Variants in PDE12 observed in about 807,000 individuals in gnomAD.
PDE12 encodes the protein 2',5'-phosphodiesterase 12.
PDE12 carries 26 observed loss-of-function variants against 45.4 expected under a neutral mutation model. The ratio of observed to expected loss-of-function variants is 0.57; its 90% confidence interval spans 0.42 to 0.79. The LOEUF (loss-of-function observed/expected upper bound fraction) is 0.79, where lower values mean the gene tolerates loss of function less well. Among genes scored for constraint, PDE12 ranks in the 30% least tolerant of loss-of-function variants. The pLI is 0.00. For missense variants in PDE12, 668 were observed against 790.0 expected (o/e 0.85, Z 1.85); for synonymous variants, 283 against 323.9 (o/e 0.87, Z 1.36).
the PDE12 span, chr3:57,577,484 G>C: frequency 1.1e-6 from 1 of 875,184 alleles, no homozygotes; most frequent in Non-Finnish European, 1.8e-6. Flanking sequence ...TTAGACATTA[G>C]GAAGAAAATG....
the PDE12 span, chr3:57,597,132 G>A: frequency 3.7e-6 from 6 of 1,613,984 alleles, no homozygotes; most frequent in Non-Finnish European, 5.1e-6. Context: ...AGGAGATAGT[G>A]AGGCCCATGG....
chr3:57,564,109 A>G lies in PDE12; in HGVS notation c.*4105A>G, dbSNP rs1187142967. 1 of 152,154 alleles carries G rather than the reference A, an allele frequency of 6.6e-6. No individual in the cohort carries two copies. The allele number at this position is 152,154 out of a possible 1,614,324, so 9.4% of individuals were successfully genotyped here. Reference sequence around the variant, plus strand: ...TACTGCTTGTAATTTTTGTATTTTTAGTAGAGACAGGGTTTCACCATATTG... The same window carrying G: ...TACTGCTTGTAATTTTTGTATTTTTGGTAGAGACAGGGTTTCACCATATTG... On this transcript the variant is annotated 3_prime_UTR_variant, in exon 3 of 3. Coordinates refer to ENST00000311180, the MANE Select transcript of PDE12 (RefSeq NM_177966.7).
At chr3:57,604,126 A>T in the PDE12 span, among the ~76,000 whole-genome samples, 1 of 149,794 alleles carries the variant, frequency 6.7e-6, no homozygotes, top group Admixed American at 6.7e-5. Flanking sequence ...GTTTCACCTT[A>T]TTGGCCAGGC....
At chr3:57,595,701 C>T in the PDE12 span, among the ~76,000 whole-genome samples, 1 of 152,272 alleles carries the variant, frequency 6.6e-6, no homozygotes, top group African/African-American at 2.4e-5. Context: ...GTAATCCCAG[C>T]ACTCTGGGAA....
the PDE12 span, chr3:57,645,803 G>T: frequency 3.6e-6 from 5 of 1,400,942 alleles, no homozygotes; most frequent in Non-Finnish European, 5.0e-6. Context: ...AGAAATTAAA[G>T]GTCCTAATCT....
chr3:57,564,458 A>G lies in PDE12; in HGVS notation c.*4454A>G, dbSNP rs2069759201. ...AATGAATGTATGTCAAAGCATTTATATAACACAGTCCATTTTGCCCAGTAA... is the reference window on the plus strand; with the variant it reads ...AATGAATGTATGTCAAAGCATTTATGTAACACAGTCCATTTTGCCCAGTAA... On this transcript the variant is annotated 3_prime_UTR_variant, in exon 3 of 3. Transcript: ENST00000311180. 1.3e-5 allele frequency: 2 copies of G among 152,198 alleles called. No individual in the cohort carries two copies. The highest frequency in any genetic ancestry group is 4.8e-5 in the African/African-American group (2 of 41,440). The allele number at this position is 152,198 out of a possible 1,614,324, so 9.4% of individuals were successfully genotyped here. A position where few individuals can be genotyped will look rare whatever the true frequency, so the allele number is the denominator to read the frequency against.
chr3:57,556,388 G>T lies in PDE12; in HGVS notation c.9G>T (p.Arg3Ser). Residue 3 changes from arginine to serine, a missense_variant, in exon 1 of 3, where the codon AGG (arginine) becomes AGT (serine). Around this residue, in one of 3 missense-constraint regions of PDE12, gnomAD observed 580 missense variants for 662.9 expected, o/e 0.87. Coordinates refer to ENST00000311180, the MANE Select transcript of PDE12 (RefSeq NM_177966.7). This position sits in a 1 kb window ranked among gnomAD's most constrained non-coding sequence, Gnocchi z 5.0. ...GCTAGGCCACCAGGTTCATGTGGAGGCTCCCAGGCGCCCGCGCCGCGCTTC... is the reference window on the plus strand; with the variant it reads ...GCTAGGCCACCAGGTTCATGTGGAGTCTCCCAGGCGCCCGCGCCGCGCTTC... Reference protein sequence around the residue: MWRLPGARAALRV... With the variant: MWSLPGARAALRV... The T allele has an allele frequency of 1.9e-6, 3 of 1,575,264 alleles. No individual in the cohort carries two copies. The highest frequency in any genetic ancestry group is 1.7e-6 in the Non-Finnish European group (2 of 1,161,202).
the PDE12 span, chr3:57,634,520 C>T: frequency 4.3e-6 from 5 of 1,168,364 alleles, no homozygotes; most frequent in Non-Finnish European, 5.8e-6. Flanking sequence ...CATACCTGAA[C>T]AAGGAAATTT....
At chr3:57,602,402 C>T in the PDE12 span, among the ~76,000 whole-genome samples, 1 of 152,182 alleles carries the variant, frequency 6.6e-6, no homozygotes, top group African/African-American at 2.4e-5. Flanking sequence ...ACAAGAATAT[C>T]TGTGCTTCTA....
chr3:57,597,858 G>A, the PDE12 span: 4 of 152,242 alleles, frequency 2.6e-5, no homozygotes, highest in Non-Finnish European at 5.9e-5. Context: ...TTTAGTTGAC[G>A]CATGAAGACC....
Position 57,561,486 on chromosome 3 carries a change from CA to C in PDE12, c.*1485del. ...CCAAACTTTTTAAAATTAGAAACTA[CA>C]AATGGTTATACTGATTAGTGTCTAG... On this transcript the variant is annotated 3_prime_UTR_variant, in exon 3 of 3. Coordinates refer to ENST00000311180, the MANE Select transcript of PDE12 (RefSeq NM_177966.7). 1.4e-5 allele frequency: 14 copies of C among 984,346 alleles called. No homozygotes were observed. Among genetic ancestry groups the C allele is most frequent in the Non-Finnish European group, 1.7e-5 (14 of 828,886 alleles). 61.0% of individuals were successfully genotyped at this position (984,346 alleles called of 1,614,324 possible).
At chr3:57,604,731 G>A in the PDE12 span, among the ~76,000 whole-genome samples, 3 of 150,152 alleles carry the variant, frequency 2.0e-5, no homozygotes, top group African/African-American at 4.9e-5. Flanking sequence ...TCTTCCCTTA[G>A]TCTCCTGAGC....
the PDE12 span, among the ~76,000 whole-genome samples, chr3:57,604,096 G>C: frequency 2.0e-5 from 3 of 151,442 alleles, no homozygotes; most frequent in Non-Finnish European, 4.4e-5. Context: ...GCTAATTTTT[G>C]TATTTTTAGT....
At chr3:57,646,372 A>G in the PDE12 span, 1 of 1,614,056 alleles carries the variant, frequency 6.2e-7, no homozygotes, top group Non-Finnish European at 8.5e-7. Flanking sequence ...CCATAACCAC[A>G]AGGGGCTCCC....
Position 57,557,047 on chromosome 3 carries a change from C to T in PDE12, c.668C>T (p.Ser223Phe), listed in dbSNP as rs770934574. ...TCATTGTCTCCCTCCTCACCTTCTT[C>T]TTCTTGGACTGAGACTGATGTGGAG... is the stretch of plus-strand genomic sequence containing the variant. ...PSSLSPSSPS[S>F]SWTETDVEER... Residue 223 changes from serine to phenylalanine, a missense_variant, in exon 1 of 3, where the codon TCT (serine) becomes TTT (phenylalanine). Coordinates refer to ENST00000311180, the MANE Select transcript of PDE12 (RefSeq NM_177966.7). 2.5e-6 allele frequency: 4 copies of T among 1,613,968 alleles called. No individual in the cohort carries two copies. Among genetic ancestry groups the T allele is most frequent in the African/African-American group, 2.7e-5 (2 of 74,880 alleles).
In PDE12 at chr3:57,556,359, G is replaced by T. The variant is rs1422915349; in HGVS notation, c.-21G>T. The T allele has an allele frequency of 2.0e-6, 3 of 1,537,038 alleles. No homozygotes were observed. The South Asian group carries it at 3.5e-5, about 18-fold the overall frequency. Reference sequence around the variant, plus strand: ...CCGCTGATCGGCCGCGGGTCTTGTCGACCGCTAGGCCACCAGGTTCATGTG... The same window carrying T: ...CCGCTGATCGGCCGCGGGTCTTGTCTACCGCTAGGCCACCAGGTTCATGTG... On this transcript the variant is annotated 5_prime_UTR_variant, in exon 1 of 3. Coordinates refer to ENST00000311180, the MANE Select transcript of PDE12 (RefSeq NM_177966.7). This position sits in a 1 kb window ranked among gnomAD's most constrained non-coding sequence, Gnocchi z 5.0.
chr3:57,609,618 A>T, the PDE12 span, among the ~76,000 whole-genome samples: 2 of 152,212 alleles, frequency 1.3e-5, no homozygotes, highest in African/African-American at 4.8e-5. Flanking sequence ...TTATGAAAAT[A>T]AACTAGAAAA....
the PDE12 span, among the ~76,000 whole-genome samples, chr3:57,621,519 A>T: frequency 2.6e-5 from 4 of 152,152 alleles, no homozygotes; most frequent in African/African-American, 9.6e-5. Context: ...AAAATACAAA[A>T]ATTAGCCAGG....
At chr3:57,646,364 A>C in the PDE12 span, 1 of 1,614,120 alleles carries the variant, frequency 6.2e-7, no homozygotes, top group African/African-American at 1.3e-5. Context: ...TGATGGCGCC[A>C]TAACCACAAG....
Sources: gnomAD v4.1 joint callset for allele counts (sites outside exome capture counted in the v4.1 genomes callset) on GRCh38, gnomAD v4.1.1 for gene constraint, gnomAD v4.1.1 regional missense constraint, Gnocchi (gnomAD v3.1) non-coding constraint, MANE v1.5 for transcripts, NCBI Gene and HGNC (gene_info 2026-07-23, HGNC 2026-07-21) for gene names.